The following SLMAP variants were observed in gnomAD, a reference collection of about 807,000 sequenced individuals.
SLMAP encodes the protein sarcolemma associated protein.
SLMAP carries 44 observed loss-of-function variants against 128.8 expected under a neutral mutation model. The observed-to-expected ratio is 0.34, with a 90% confidence interval of 0.27 to 0.44. SLMAP has a LOEUF of 0.44. SLMAP is among the 20% of genes least tolerant of loss of function. The pLI is 1.00. For synonymous variants in SLMAP, 327 were observed against 348.8 expected (o/e 0.94, Z 0.70); for missense variants, 787 against 985.3 (o/e 0.80, Z 2.69).
intron 10 of SLMAP, among the ~76,000 whole-genome samples, chr3:57,862,441 C>T (rs955991382): frequency 6.6e-6 from 1 of 151,828 alleles, no homozygotes; most frequent in Admixed American, 6.6e-5. Flanking sequence ...AGATTGAGAC[C>T]ATCCTGGCCA....
chr3:57,897,154 G>A, intron 17 of SLMAP: 3 of 1,261,504 alleles, frequency 2.4e-6, no homozygotes, highest in Non-Finnish European at 2.0e-6. Flanking sequence ...GAGGGACAAA[G>A]TGTTAAGTGG....
chr3:57,764,145 C>T (rs2153433018), intron 2 of SLMAP, among the ~76,000 whole-genome samples: 1 of 152,156 alleles, frequency 6.6e-6, no homozygotes, highest in East Asian at 1.9e-4. Context: ...AGGATGTGGA[C>T]CCTTGGGTTA....
chr3:57,839,390 A>T (rs2093804658), intron 3 of SLMAP, among the ~76,000 whole-genome samples: 1 of 147,372 alleles, frequency 6.8e-6, no homozygotes, highest in African/African-American at 2.5e-5. Context: ...CATCTTGATG[A>T]TTCGTCGGCC....
intron 2 of SLMAP, among the ~76,000 whole-genome samples, chr3:57,816,678 G>A (rs2091898410): frequency 6.6e-6 from 1 of 152,236 alleles, no homozygotes; most frequent in Admixed American, 6.5e-5. Flanking sequence ...TCAAAGTGTG[G>A]TTTGGAAATA....
intron 14 of SLMAP, among the ~76,000 whole-genome samples, chr3:57,885,362 AC>A (rs2095852427): frequency 6.9e-6 from 1 of 145,544 alleles, no homozygotes; most frequent in African/African-American, 2.6e-5. Flanking sequence ...GAGCCACTGC[AC>A]CCAGCCAGCT....
chr3:57,778,469 T>C (rs2082342126), intron 2 of SLMAP, among the ~76,000 whole-genome samples: 1 of 151,622 alleles, frequency 6.6e-6, no homozygotes, highest in Non-Finnish European at 1.5e-5. Flanking sequence ...ATTATTTTTC[T>C]ATTTTCTATT....
chr3:57,801,270 T>G (rs1267573777), intron 2 of SLMAP: 1 of 152,562 alleles, frequency 6.6e-6, no homozygotes, highest in Non-Finnish European at 1.5e-5. Flanking sequence ...AGGTCCATTT[T>G]TAAATTCCAT....
intron 2 of SLMAP, among the ~76,000 whole-genome samples, chr3:57,809,071 C>CG (rs1482455896): frequency 1.3e-5 from 2 of 152,158 alleles, no homozygotes; most frequent in Non-Finnish European, 2.9e-5. Flanking sequence ...AGGCAGGGAG[C>CG]GGGCAGGAGC....
At chr3:57,897,198 C>T in intron 17 of SLMAP, 1 of 906,830 alleles carries the variant, frequency 1.1e-6, no homozygotes, top group Non-Finnish European at 1.5e-6. Flanking sequence ...TTTTTGTTTA[C>T]CCTTGTGTCT....
rs1054099063 is a variant in SLMAP at position 57,906,313 on chromosome 3, T to TC, written c.1502-1571_1502-1570insC. On this transcript the variant is annotated intron_variant, in intron 17 of 24. Transcript: ENST00000671191. The stretch of plus-strand genomic sequence containing the variant: ...TCAAATTTTTTTCTTTTTTTTTCTT[T>TC]TTTTTTTTTTTTTTTTTTTAGAGAC... Among the ~76,000 whole-genome samples the TC allele has an allele frequency of 6.0e-5, 7 of 117,492 alleles. 1 individual carries two copies. Among genetic ancestry groups the TC allele is most frequent in the Non-Finnish European group, 1.0e-4 (6 of 57,542 alleles). 77.1% of individuals were successfully genotyped at this position (117,492 alleles called of 152,430 possible).
intron 2 of SLMAP, among the ~76,000 whole-genome samples, chr3:57,775,538 AGAG>A (rs1213279338): frequency 6.7e-6 from 1 of 148,282 alleles, no homozygotes; most frequent in Non-Finnish European, 1.5e-5. Context: ...AAAAAAAAAA[AGAG>A]CCGGGCGTGG....
intron 14 of SLMAP, among the ~76,000 whole-genome samples, chr3:57,882,840 T>C (rs1358377346): frequency 6.6e-6 from 1 of 152,222 alleles, no homozygotes; most frequent in African/African-American, 2.4e-5. Context: ...TTTAAACATG[T>C]CAGTATGTAG....
rs749573999 is a variant in SLMAP, at chr3:57,896,939, T to C, written c.1501+7T>C. ...AAAGTGTCCCTTTTAAAAGGTACTTTAACATGTTTTTATGACATCGTAAAC... is the reference window on the plus strand; with the variant it reads ...AAAGTGTCCCTTTTAAAAGGTACTTCAACATGTTTTTATGACATCGTAAAC... On this transcript the variant is annotated splice_region_variant and intron_variant, in intron 17 of 24. Coordinates refer to ENST00000671191, the MANE Select transcript of SLMAP (RefSeq NM_001377540.1). 5.6e-6 allele frequency: 9 copies of C among 1,613,420 alleles called. No homozygotes were observed. Among genetic ancestry groups the C allele is most frequent in the South Asian group, 2.2e-5 (2 of 90,878 alleles).
chr3:57,842,667 A>C (rs1486210735), intron 4 of SLMAP, among the ~76,000 whole-genome samples: 2 of 152,166 alleles, frequency 1.3e-5, no homozygotes, highest in African/African-American at 4.8e-5. Flanking sequence ...AATTTTTTCA[A>C]AGTCAGTTGG....
At chr3:57,778,470 A>T (rs2361350) in intron 2 of SLMAP, among the ~76,000 whole-genome samples, 1 of 149,388 alleles carries the variant, frequency 6.7e-6, no homozygotes, top group Non-Finnish European at 1.5e-5. Context: ...TTATTTTTCT[A>T]TTTTCTATTT....
chr3:57,832,503 T>A (rs2093400492), intron 3 of SLMAP, among the ~76,000 whole-genome samples: 1 of 152,328 alleles, frequency 6.6e-6, no homozygotes, highest in Admixed American at 6.5e-5. Flanking sequence ...TGAAATTATA[T>A]AGCTAAATCA....
At chr3:57,911,715 T>C (rs2096704051) in intron 19 of SLMAP, among the ~76,000 whole-genome samples, 1 of 152,030 alleles carries the variant, frequency 6.6e-6, no homozygotes, top group Non-Finnish European at 1.5e-5. Flanking sequence ...AATTAATAGA[T>C]AATATGATGT....
chr3:57,782,324 C>T (rs1235556925), intron 2 of SLMAP, among the ~76,000 whole-genome samples: 1 of 152,098 alleles, frequency 6.6e-6, no homozygotes, highest in African/African-American at 2.4e-5. Context: ...CATTTATAGG[C>T]AGAAGTTTCC....
At chr3:57,807,315 CT>C (rs2090086436) in intron 2 of SLMAP, among the ~76,000 whole-genome samples, 1 of 152,088 alleles carries the variant, frequency 6.6e-6, no homozygotes, top group South Asian at 2.1e-4. Context: ...TGTAGGTTGC[CT>C]GTTTATTCTT....
Sources: gnomAD v4.1 joint callset for allele counts (sites outside exome capture counted in the v4.1 genomes callset) on GRCh38, gnomAD v4.1.1 for gene constraint, MANE v1.5 for transcripts, NCBI Gene and HGNC (gene_info 2026-07-23, HGNC 2026-07-21) for gene names.